The following ALK variants were observed in gnomAD, a reference collection of about 807,000 sequenced individuals.
ALK encodes ALK receptor tyrosine kinase, also known as ALK tyrosine kinase receptor.
In ALK, 74 loss-of-function variants were observed where a neutral mutation model predicts 163.1. That is an observed-to-expected ratio of 0.45 (90% confidence interval 0.38 to 0.55). ALK has a LOEUF of 0.55. Among genes scored for constraint, ALK ranks in the 20% least tolerant of loss-of-function variants. The pLI is 0.00. For missense variants in ALK, 2,063 were observed against 2,105.3 expected, an observed-to-expected ratio of 0.98 and a Z score of 0.39; for synonymous variants, 960 against 843.2, an observed-to-expected ratio of 1.14 and a Z score of -2.40.
chr2:29,243,241 G>A lies in ALK; in HGVS notation c.2205-3411C>T, dbSNP rs146236539. Among the ~76,000 whole-genome samples the A allele has an allele frequency of 4.1e-4, 63 of 152,270 alleles. No homozygotes were observed. The East Asian group carries it at 0.011, about 27-fold the overall frequency. ...TGCACTCGACTGACCCCAAGAAGAA[G>A]CACCTCCTTAAATTTTCTGCCCAAG... On this transcript the variant is annotated intron_variant, in intron 12 of 28. Coordinates refer to ENST00000389048, the MANE Select transcript of ALK (RefSeq NM_004304.5).
chr2:29,723,399 C>G (rs1249726586), intron 1 of ALK, among the ~76,000 whole-genome samples: 1 of 152,214 alleles, frequency 6.6e-6, no homozygotes. Context: ...GGTCATCCTG[C>G]TGAGAGACAA....
intron 3 of ALK, among the ~76,000 whole-genome samples, chr2:29,638,676 G>T (rs1676615541): frequency 6.6e-6 from 1 of 152,142 alleles, no homozygotes; most frequent in Non-Finnish European, 1.5e-5. Context: ...CACCCATGGA[G>T]TGGCCTGTTT....
At chr2:29,855,652 AAAG>A (rs1666119750) in intron 1 of ALK, among the ~76,000 whole-genome samples, 1 of 152,178 alleles carries the variant, frequency 6.6e-6, no homozygotes, top group Non-Finnish European at 1.5e-5. Flanking sequence ...TGCCTCCCTC[AAAG>A]AAGTGAACAC....
chr2:29,344,674 C>T (rs1439829817), intron 5 of ALK, among the ~76,000 whole-genome samples: 2 of 152,226 alleles, frequency 1.3e-5, no homozygotes, highest in African/African-American at 4.8e-5. Context: ...ATTCTTGTCC[C>T]ACACAATTGT....
intron 2 of ALK, among the ~76,000 whole-genome samples, chr2:29,713,839 TG>T (rs1468707855): frequency 4.0e-5 from 6 of 151,822 alleles, no homozygotes; most frequent in Non-Finnish European, 8.8e-5. Context: ...CAATGTATCA[TG>T]TTTTTTTTTT....
chr2:29,613,217 T>C (rs1347555940), intron 3 of ALK, among the ~76,000 whole-genome samples: 1 of 152,252 alleles, frequency 6.6e-6, no homozygotes, highest in African/African-American at 2.4e-5. Flanking sequence ...ATTTTTCGAA[T>C]GCCTGAGCCA....
At chr2:29,741,918 C>T (rs1680071695) in intron 1 of ALK, among the ~76,000 whole-genome samples, 1 of 152,254 alleles carries the variant, frequency 6.6e-6, no homozygotes, top group South Asian at 2.1e-4. Flanking sequence ...GAATTACTCA[C>T]CCAAAGTGCT....
At chr2:29,199,634 A>G (rs1316526900) in intron 26 of ALK, among the ~76,000 whole-genome samples, 1 of 151,698 alleles carries the variant, frequency 6.6e-6, no homozygotes, top group Non-Finnish European at 1.5e-5. Context: ...ATACCATTCT[A>G]TTTTACTTTC....
intron 1 of ALK, among the ~76,000 whole-genome samples, chr2:29,916,022 A>G (rs1195009050): frequency 6.6e-6 from 1 of 152,230 alleles, no homozygotes; most frequent in African/African-American, 2.4e-5. Context: ...CAAAGGCTCC[A>G]GGGTTTGGAT....
At chr2:29,855,063 G>A (rs1349719766) in intron 1 of ALK, among the ~76,000 whole-genome samples, 3 of 152,108 alleles carry the variant, frequency 2.0e-5, no homozygotes, top group African/African-American at 7.2e-5. Flanking sequence ...TGCTACATGA[G>A]GGCAGGGACG....
At position 29,920,264 on chromosome 2, in the gene ALK, C is replaced by G. The variant is rs761545303; in HGVS notation, c.396G>C (p.Val132=). 8 of 1,598,944 alleles carry G rather than the reference C, an allele frequency of 5.0e-6. No homozygotes were observed. The East Asian group carries it at 1.6e-4, about 32-fold the overall frequency. ...TLSRVLKGGS[V]RKLRRAKQLV... ...ACTGCTTGGCACGCCGGAGCTTGCG[C>G]ACGGAGCCGCCCTTCAGCACCCTGG... The change falls in exon 1 of 29, where the codon GTG becomes GTC. Residue 132 remains valine (V), a synonymous_variant. Coordinates refer to ENST00000389048, the MANE Select transcript of ALK (RefSeq NM_004304.5).
chr2:29,720,505 T>A (rs1176608244), intron 1 of ALK, among the ~76,000 whole-genome samples: 1 of 152,120 alleles, frequency 6.6e-6, no homozygotes, highest in Non-Finnish European at 1.5e-5. Context: ...ATAAGCCGGA[T>A]GAGGCTAGGG....
intron 1 of ALK, among the ~76,000 whole-genome samples, chr2:29,875,603 C>A (rs1264798066): frequency 6.6e-6 from 1 of 152,074 alleles, no homozygotes; most frequent in African/African-American, 2.4e-5. Context: ...CCCCGACAGG[C>A]CCCGGCGTGT....
At chr2:29,555,152 TC>T (rs1384749003) in intron 3 of ALK, among the ~76,000 whole-genome samples, 19 of 152,122 alleles carry the variant, frequency 1.2e-4, no homozygotes, top group African/African-American at 4.6e-4. Context: ...CACCCTGAAT[TC>T]TTCTTGTATG....
In ALK at chr2:29,755,335, A is replaced by T. The variant is rs142508121; in HGVS notation, c.668-37638T>A. ...AAATGACTTTGCCAGGAAGCTCTAG[A>T]GTGTCAAACATCCACACATCCTTGG... On this transcript the variant is annotated intron_variant, in intron 1 of 28. Transcript: ENST00000389048. 2.0e-4 allele frequency among the ~76,000 whole-genome samples: 31 copies of T among 152,320 alleles called. 1 individual carries two copies. In the East Asian group the frequency reaches 6.0e-3, roughly 29 times the overall value.
intron 3 of ALK, among the ~76,000 whole-genome samples, chr2:29,594,906 G>T (rs1290664839): frequency 2.2e-5 from 2 of 91,708 alleles, no homozygotes; most frequent in Admixed American, 1.3e-4. Context: ...GGGGGTGGGG[G>T]GCGGGGGGCA....
At chr2:29,197,335 C>G (rs1343198178) in intron 27 of ALK, among the ~76,000 whole-genome samples, 1 of 152,148 alleles carries the variant, frequency 6.6e-6, no homozygotes, top group Non-Finnish European at 1.5e-5. Context: ...ACAATGGATA[C>G]TTTTTCTGGG....
At chr2:29,424,031 T>C (rs980630319) in intron 4 of ALK, among the ~76,000 whole-genome samples, 1 of 152,192 alleles carries the variant, frequency 6.6e-6, no homozygotes, top group African/African-American at 2.4e-5. Context: ...CACATAAATA[T>C]GTATTCACAG....
intron 3 of ALK, among the ~76,000 whole-genome samples, chr2:29,619,792 C>G (rs1675974644): frequency 1.3e-5 from 2 of 152,300 alleles, no homozygotes; most frequent in South Asian, 4.1e-4. Flanking sequence ...GACAAGGGTC[C>G]CTGGTCTGCT....
Sources: gnomAD v4.1 joint callset for allele counts (sites outside exome capture counted in the v4.1 genomes callset) on GRCh38, gnomAD v4.1.1 for gene constraint, MANE v1.5 for transcripts, NCBI Gene and HGNC (gene_info 2026-07-23, HGNC 2026-07-21) for gene names.